The following CDH6 variants were observed in gnomAD, a reference collection of about 807,000 sequenced individuals.
CDH6 encodes cadherin-6.
In CDH6, 31 loss-of-function variants were observed where a neutral mutation model predicts 78.0. The ratio of observed to expected loss-of-function variants is 0.40; its 90% confidence interval spans 0.30 to 0.54. The LOEUF (loss-of-function observed/expected upper bound fraction) is 0.54, where lower values mean the gene tolerates loss of function less well. Ranked by LOEUF, CDH6 falls within the 20% of genes least tolerant of loss-of-function variation. The pLI is 0.56. For synonymous variants in CDH6, 376 were observed against 368.8 expected, an observed-to-expected ratio of 1.02 and a Z score of -0.23; for missense variants, 724 against 975.9, an observed-to-expected ratio of 0.74 and a Z score of 3.44.
chr5:31,293,575 T>C (rs1737478129), intron 2 of CDH6, among the ~76,000 whole-genome samples: 1 of 152,144 alleles, frequency 6.6e-6, no homozygotes, highest in Non-Finnish European at 1.5e-5. Context: ...TACATGCAAG[T>C]GAGGGCGAGA....
chr5:31,314,454 A>G (rs1169522860), intron 8 of CDH6, among the ~76,000 whole-genome samples: 2 of 151,694 alleles, frequency 1.3e-5, no homozygotes, highest in Non-Finnish European at 2.9e-5. Flanking sequence ...AATAGTCCAT[A>G]TCGAATAGTT....
At chr5:31,254,937 T>C (rs1303981921) in intron 1 of CDH6, among the ~76,000 whole-genome samples, 1 of 152,230 alleles carries the variant, frequency 6.6e-6, no homozygotes, top group Non-Finnish European at 1.5e-5. Flanking sequence ...AGTGTAAAAG[T>C]TGGTAACCTA....
rs1741171067 is a variant in CDH6 at position 31,227,030 on chromosome 5, G to A, written c.-129+33144G>A. Among the ~76,000 whole-genome samples the A allele has an allele frequency of 2.0e-5, 3 of 152,138 alleles. No homozygotes were observed. In the South Asian group the frequency reaches 6.2e-4, roughly 31 times the overall value. ...ATGACCCATCCCTGGAAGCTGCTCA[G>A]CTTCTCCTAGCACCACACATCGGGT... On this transcript the variant is annotated intron_variant, in intron 1 of 11. Coordinates refer to ENST00000265071, the MANE Select transcript of CDH6 (RefSeq NM_004932.4).
chr5:31,281,417 AG>A (rs1441905459), intron 2 of CDH6, among the ~76,000 whole-genome samples: 1 of 152,082 alleles, frequency 6.6e-6, no homozygotes, highest in Non-Finnish European at 1.5e-5. Context: ...AAAGCAAAAA[AG>A]GTAGCATTCT....
In CDH6 at chr5:31,267,481, C is replaced by T. The variant is rs974130351; in HGVS notation, c.8C>T (p.Thr3Ile). 1.2e-6 allele frequency: 2 copies of T among 1,613,852 alleles called. No homozygotes were observed. The highest frequency in any genetic ancestry group is 3.3e-5 in the Admixed American group (2 of 60,006). MRTYRYFLLLFWV... is the reference protein window; with the variant it reads MRIYRYFLLLFWV... The stretch of plus-strand genomic sequence containing the variant: ...CTCGACGGTGCCATCAGCATGAGAA[C>T]TTACCGCTACTTCTTGCTGCTCTTT... Residue 3 changes from threonine to isoleucine, a missense_variant, in exon 2 of 12, where the codon ACT (threonine) becomes ATT (isoleucine). Around this residue, in one of 3 missense-constraint regions of CDH6, gnomAD observed 58 missense variants for 50.8 expected, o/e 1.14. Transcript: ENST00000265071.
intron 1 of CDH6, among the ~76,000 whole-genome samples, chr5:31,197,144 C>A (rs542212306): frequency 6.6e-6 from 1 of 152,266 alleles, no homozygotes; most frequent in South Asian, 2.1e-4. Context: ...GTCATCCTTA[C>A]TCCAGGTTTT....
intron 2 of CDH6, among the ~76,000 whole-genome samples, chr5:31,279,222 A>T (rs1479933490): frequency 6.6e-6 from 1 of 152,180 alleles, no homozygotes; most frequent in Non-Finnish European, 1.5e-5. Flanking sequence ...TGTGTATGTT[A>T]TATTTTTATA....
intron 6 of CDH6, chr5:31,302,575 TGG>T: frequency 4.1e-6 from 1 of 245,876 alleles, no homozygotes; most frequent in Admixed American, 4.6e-5. Flanking sequence ...TAGCCAGGCG[TGG>T]TGGTGGGTGC....
chr5:31,292,932 A>T (rs1311775554), intron 2 of CDH6, among the ~76,000 whole-genome samples: 1 of 150,130 alleles, frequency 6.7e-6, no homozygotes, highest in Non-Finnish European at 1.5e-5. Flanking sequence ...GTACCATCTA[A>T]AGGTATCATC....
chr5:31,290,839 A>C (rs1743137923), intron 2 of CDH6, among the ~76,000 whole-genome samples: 1 of 152,204 alleles, frequency 6.6e-6, no homozygotes, highest in Non-Finnish European at 1.5e-5. Flanking sequence ...CAGACGATGC[A>C]AAGAGAAGAG....
chr5:31,258,622 A>G (rs1454629992), intron 1 of CDH6, among the ~76,000 whole-genome samples: 2 of 152,042 alleles, frequency 1.3e-5, no homozygotes, highest in African/African-American at 2.4e-5. Context: ...TGTACCCCAG[A>G]ACTTAAAGTA....
chr5:31,236,685 C>A (rs968637307), intron 1 of CDH6, among the ~76,000 whole-genome samples: 1 of 152,150 alleles, frequency 6.6e-6, no homozygotes, highest in Non-Finnish European at 1.5e-5. Flanking sequence ...TCCCCGCCCC[C>A]CATCTCCCAG....
chr5:31,236,375 T>C (rs1213919816), intron 1 of CDH6, among the ~76,000 whole-genome samples: 2 of 152,204 alleles, frequency 1.3e-5, no homozygotes, highest in African/African-American at 2.4e-5. Context: ...TACAGTTATA[T>C]GACTCATTGA....
chr5:31,211,589 T>TA (rs1349318769), intron 1 of CDH6, among the ~76,000 whole-genome samples: 2 of 152,128 alleles, frequency 1.3e-5, no homozygotes, highest in African/African-American at 2.4e-5. Flanking sequence ...TTATAAAATA[T>TA]AAAATGAAAA....
chr5:31,291,750 A>T (rs1743169804), intron 2 of CDH6, among the ~76,000 whole-genome samples: 1 of 152,156 alleles, frequency 6.6e-6, no homozygotes, highest in Non-Finnish European at 1.5e-5. Flanking sequence ...TGGAGAGTTA[A>T]ACTTTCCCCA....
At chr5:31,242,521 G>T (rs1021150259) in intron 1 of CDH6, among the ~76,000 whole-genome samples, 4 of 152,126 alleles carry the variant, frequency 2.6e-5, no homozygotes, top group Admixed American at 6.6e-5. Context: ...AGCAGTGTTG[G>T]GTGGCTCACC....
At chr5:31,193,942 T>C (rs1423731412) in intron 1 of CDH6, 56 bp downstream of exon 1, 1 of 151,186 alleles carries the variant, frequency 6.6e-6, no homozygotes, top group Non-Finnish European at 1.5e-5. Context: ...TTTTTAATTC[T>C]GTAGCGTTGA....
chr5:31,211,520 C>T (rs1247980207), intron 1 of CDH6, among the ~76,000 whole-genome samples: 5 of 151,780 alleles, frequency 3.3e-5, no homozygotes, highest in Non-Finnish European at 7.4e-5. Flanking sequence ...ATTGGAAAGG[C>T]GAATAAGCTG....
intron 1 of CDH6, among the ~76,000 whole-genome samples, chr5:31,229,734 C>G (rs138736441): frequency 8.8e-4 from 134 of 152,260 alleles, no homozygotes; most frequent in Admixed American, 2.1e-3. Context: ...GCTGAATAAA[C>G]ATTTCTCAGT....
Sources: gnomAD v4.1 joint callset for allele counts (sites outside exome capture counted in the v4.1 genomes callset) on GRCh38, gnomAD v4.1.1 for gene constraint, gnomAD v4.1.1 regional missense constraint, MANE v1.5 for transcripts, NCBI Gene and HGNC (gene_info 2026-07-23, HGNC 2026-07-21) for gene names.